PDE6H: variants seen among roughly 807,000 people sequenced by gnomAD.
PDE6H encodes phosphodiesterase 6H, also known as retinal cone rhodopsin-sensitive cGMP 3',5'-cyclic phosphodiesterase subunit gamma.
A neutral mutation model predicts 9.2 loss-of-function variants in PDE6H; 11 were observed. That is an observed-to-expected ratio of 1.19 (90% confidence interval 0.75 to 1.97). The LOEUF (loss-of-function observed/expected upper bound fraction) is 1.97. Ranked by LOEUF, PDE6H falls within the 30% of genes most tolerant of loss-of-function variation. The probability of loss-of-function intolerance (pLI) is 0.00; values close to 1 mark genes in which losing one functional copy is unlikely to be tolerated. For synonymous variants in PDE6H, 36 were observed against 33.6 expected (o/e 1.07, Z -0.25); for missense variants, 98 against 101.5 (o/e 0.97, Z 0.15).
chr12:14,977,881 A>T (rs1592305580), intron 1 of PDE6H, 91 bp from the exon 2 acceptor site: 2 of 844,170 alleles, frequency 2.4e-6, no homozygotes, highest in African/African-American at 3.4e-5. Context: ...TTGTTGAAGT[A>T]CTTTTCTTCT....
intron 1 of PDE6H, among the ~76,000 whole-genome samples, chr12:14,977,527 T>C (rs2120825290): frequency 6.6e-6 from 1 of 152,372 alleles, no homozygotes; most frequent in South Asian, 2.1e-4. Flanking sequence ...TACAGCATCA[T>C]AATAAATTCA....
intron 1 of PDE6H, among the ~76,000 whole-genome samples, chr12:14,977,760 C>T (rs1864617588): frequency 6.6e-6 from 1 of 152,158 alleles, no homozygotes; most frequent in African/African-American, 2.4e-5. Flanking sequence ...AGGTAAGTTT[C>T]CATTCCATTC....
At chr12:14,980,427 C>T (rs1864664867) in intron 3 of PDE6H, among the ~76,000 whole-genome samples, 1 of 152,160 alleles carries the variant, frequency 6.6e-6, no homozygotes, top group Admixed American at 6.5e-5. Flanking sequence ...TAAAATGCCC[C>T]TAAATATTTA....
At chr12:14,980,791 A>T (rs1031359395) in intron 3 of PDE6H, among the ~76,000 whole-genome samples, 5 of 152,194 alleles carry the variant, frequency 3.3e-5, no homozygotes, top group Non-Finnish European at 1.5e-5. Flanking sequence ...CTCTACAACT[A>T]TGTGGTTTTT....
intron 1 of PDE6H, among the ~76,000 whole-genome samples, chr12:14,977,358 TA>T (rs1311865250): frequency 3.9e-5 from 6 of 152,124 alleles, no homozygotes; most frequent in Non-Finnish European, 8.8e-5. Context: ...ACAGAGGCCA[TA>T]AAAAATGCTC....
At chr12:14,975,732 G>A (rs1864582417) in intron 1 of PDE6H, among the ~76,000 whole-genome samples, 1 of 151,986 alleles carries the variant, frequency 6.6e-6, no homozygotes, top group Admixed American at 6.6e-5. Flanking sequence ...GAAAGCTAAT[G>A]ACTTCTCTGT....
intron 1 of PDE6H, among the ~76,000 whole-genome samples, chr12:14,976,493 G>A (rs1438925437): frequency 6.6e-6 from 1 of 152,130 alleles, no homozygotes; most frequent in Non-Finnish European, 1.5e-5. Context: ...GTCATTGTTA[G>A]CACGAGCCAA....
chr12:14,976,400 T>C (rs929770371), intron 1 of PDE6H, among the ~76,000 whole-genome samples: 2 of 152,156 alleles, frequency 1.3e-5, no homozygotes, highest in African/African-American at 4.8e-5. Context: ...GCAACCCAAT[T>C]GTCAAGGAAA....
At chr12:14,978,538 C>T (rs953859074) in intron 2 of PDE6H, among the ~76,000 whole-genome samples, 1 of 152,126 alleles carries the variant, frequency 6.6e-6, no homozygotes, top group Non-Finnish European at 1.5e-5. Flanking sequence ...TCTTTATTTT[C>T]CTCTTCCTCT....
At position 14,981,319 on chromosome 12, in the gene PDE6H, C is replaced by G. The variant is rs2233627; in HGVS notation, c.176-81C>G. 3,205 of 878,918 alleles carry G rather than the reference C, an allele frequency of 3.6e-3. 60 individuals carry two copies. The African/African-American group carries it at 0.04, about 11-fold the overall frequency. The allele number at this position is 878,918 out of a possible 1,614,324, so 54.4% of individuals were successfully genotyped here. A position where few individuals can be genotyped will look rare whatever the true frequency, so the allele number is the denominator to read the frequency against. Reference sequence around the variant, plus strand: ...TGAGCAGGAGAGAGGAGTGAAGTGTCTCTGCCTGAAGGGTGTCTTTCTGTG... The same window carrying G: ...TGAGCAGGAGAGAGGAGTGAAGTGTGTCTGCCTGAAGGGTGTCTTTCTGTG... On this transcript the variant is annotated intron_variant, in intron 3 of 3. Coordinates refer to ENST00000266395, the MANE Select transcript of PDE6H (RefSeq NM_006205.3).
In PDE6H at chr12:14,974,996, AT is replaced by A. The variant is rs1273712587; in HGVS notation, c.-42+1912del. Among the ~76,000 whole-genome samples the A allele has an allele frequency of 5.3e-5, 8 of 152,312 alleles. No homozygotes were observed. In the East Asian group the frequency reaches 1.3e-3, roughly 26 times the overall value. On this transcript the variant is annotated intron_variant, in intron 1 of 3. Transcript: ENST00000266395. The stretch of plus-strand genomic sequence containing the variant: ...AACTCTAAAAGGAAGGTCTTGTTTG[AT>A]TCATTTTATAGATGGAATAAGACCC...
intron 1 of PDE6H, among the ~76,000 whole-genome samples, chr12:14,975,354 C>T (rs1287583771): frequency 7.6e-6 from 1 of 132,316 alleles, no homozygotes; most frequent in Non-Finnish European, 1.6e-5. Flanking sequence ...TCAAATTGAA[C>T]TGGGTGTCTT....
At chr12:14,977,556 A>C (rs1396232184) in intron 1 of PDE6H, among the ~76,000 whole-genome samples, 1 of 152,210 alleles carries the variant, frequency 6.6e-6, no homozygotes, top group Non-Finnish European at 1.5e-5. Context: ...GCTTGTGGCA[A>C]ATCTATTTTA....
intron 1 of PDE6H, among the ~76,000 whole-genome samples, chr12:14,975,689 G>A (rs1230565670): frequency 6.6e-6 from 1 of 152,104 alleles, no homozygotes; most frequent in Non-Finnish European, 1.5e-5. Flanking sequence ...AATTTAGTGA[G>A]CAGAGGAACT....
At chr12:14,981,267 C>T (rs539686194) in intron 3 of PDE6H, 133 bp from the exon 4 acceptor site, 2 of 766,076 alleles carry the variant, frequency 2.6e-6, no homozygotes, top group East Asian at 2.4e-5. Context: ...CAGGGCCACG[C>T]TAGGGAACTT....
chr12:14,979,247 A>G (rs768156054), intron 3 of PDE6H, 28 bp downstream of exon 3: 12 of 1,549,726 alleles, frequency 7.7e-6, no homozygotes, highest in Non-Finnish European at 1.1e-5. Context: ...TTAAGTGAGA[A>G]CTTCGCACTT....
Position 14,981,552 on chromosome 12 carries a change from T to G in PDE6H, c.*76T>G, listed in dbSNP as rs977150011. On this transcript the variant is annotated 3_prime_UTR_variant, in exon 4 of 4. Transcript: ENST00000266395. ...CTTTTGCCCTGTTGATCTGCCGGAG[T>G]CTTGAAATTCAGCTGATTGGAAGTG... The G allele has an allele frequency of 1.1e-6, 1 of 952,358 alleles. No individual in the cohort carries two copies. The highest frequency in any genetic ancestry group is 1.7e-6 in the Non-Finnish European group (1 of 580,186). The allele number at this position is 952,358 out of a possible 1,614,324, so 59.0% of individuals were successfully genotyped here.
At chr12:14,973,581 T>C (rs1176513148) in intron 1 of PDE6H, among the ~76,000 whole-genome samples, 2 of 152,188 alleles carry the variant, frequency 1.3e-5, no homozygotes, top group Non-Finnish European at 2.9e-5. Flanking sequence ...CAAGTGTTTG[T>C]TCCATTCTGA....
chr12:14,977,851 A>T, intron 1 of PDE6H, 121 bp from the exon 2 acceptor site: 1 of 670,942 alleles, frequency 1.5e-6, no homozygotes, highest in Admixed American at 2.9e-5. Context: ...TTTTGTGTCA[A>T]CACAAAATAC....
Sources: allele counts gnomAD v4.1 joint callset (sites outside exome capture counted in the v4.1 genomes callset), GRCh38; gene constraint gnomAD v4.1.1; transcripts MANE v1.5; gene names NCBI Gene and HGNC (gene_info 2026-07-23, HGNC 2026-07-21).